The following PLD1 variants were observed in gnomAD, a reference collection of about 807,000 sequenced individuals.
The protein encoded by PLD1 is phospholipase D1, also known as choline phosphatase 1.
PLD1 carries 112 observed loss-of-function variants against 137.1 expected under a neutral mutation model. The ratio of observed to expected loss-of-function variants is 0.82; its 90% CI spans 0.70 to 0.96. PLD1 has a LOEUF of 0.96. PLD1 is among the 40% of genes least tolerant of loss of function. PLD1 has a pLI of 0.00. For missense variants in PLD1, 1,321 were observed against 1,342.0 expected, an observed-to-expected ratio of 0.98 and a Z score of 0.24; for synonymous variants, 431 against 454.7, an observed-to-expected ratio of 0.95 and a Z score of 0.66.
intron 1 of PLD1, among the ~76,000 whole-genome samples, chr3:171,747,781 T>C (rs1276848163): frequency 6.6e-6 from 1 of 152,206 alleles, no homozygotes; most frequent in Non-Finnish European, 1.5e-5. Context: ...CTGCTGTTCT[T>C]AGCCCCTTTT....
At chr3:171,663,237 T>C (rs1711706919) in intron 19 of PLD1, among the ~76,000 whole-genome samples, 1 of 152,224 alleles carries the variant, frequency 6.6e-6, no homozygotes, top group Non-Finnish European at 1.5e-5. Flanking sequence ...TCACATTGCC[T>C]CGCTCTACGC....
intron 8 of PLD1, among the ~76,000 whole-genome samples, chr3:171,721,797 G>GA (rs1158949915): frequency 2.0e-5 from 3 of 149,462 alleles, no homozygotes; most frequent in East Asian, 1.9e-4. Context: ...AAAAAAAAAA[G>GA]AAAAAAAACT....
rs533669306 is a variant in PLD1 at position 171,775,545 on chromosome 3, A to T, written c.-32+34854T>A. Among the ~76,000 whole-genome samples the T allele has an allele frequency of 9.2e-5, 14 of 152,256 alleles. No individual in the cohort carries two copies. The East Asian group carries it at 2.5e-3, about 27-fold the overall frequency. On this transcript the variant is annotated intron_variant, in intron 1 of 26. Coordinates refer to ENST00000351298, the MANE Select transcript of PLD1 (RefSeq NM_002662.5). The stretch of plus-strand genomic sequence containing the variant: ...CACAAGTAAAAGTAAAGAACATCTG[A>T]TTTAAAGAGGGAAAGAGCCCAGCGC...
At chr3:171,723,504 G>C (rs981741543) in intron 8 of PLD1, among the ~76,000 whole-genome samples, 22 of 152,162 alleles carry the variant, frequency 1.4e-4, no homozygotes, top group African/African-American at 5.3e-4. Flanking sequence ...GGAACTGCTA[G>C]ATCATATGGT....
At chr3:171,668,159 T>C (rs1420276388) in intron 19 of PLD1, among the ~76,000 whole-genome samples, 3 of 152,300 alleles carry the variant, frequency 2.0e-5, no homozygotes, top group African/African-American at 7.2e-5. Context: ...TATGAGATAA[T>C]GCACAAAGGG....
chr3:171,710,869 G>GTT (rs1281179100), intron 9 of PLD1, among the ~76,000 whole-genome samples: 4 of 98,666 alleles, frequency 4.1e-5, no homozygotes, highest in African/African-American at 1.1e-4. Flanking sequence ...TAGGAAAACT[G>GTT]TTCTTTTTTT....
At position 171,734,882 on chromosome 3, in the gene PLD1, GTTC is replaced by G; in HGVS notation, c.520_522del (p.Glu174del). 1.2e-6 allele frequency: 2 copies of G among 1,606,052 alleles called. No homozygotes were observed. The highest frequency in any genetic ancestry group is 1.7e-6 in the Non-Finnish European group (2 of 1,172,748). On this transcript the variant is annotated inframe_deletion, in exon 5 of 27. Transcript: ENST00000351298. ...AAACTTACTCTTCTACCAAGGAATT[GTTC>G]TTCTCTTATCATGTTTTCAGATGAA...
chr3:171,687,321 G>C, intron 15 of PLD1, 50 bp downstream of exon 15: 1 of 1,450,954 alleles, frequency 6.9e-7, no homozygotes, highest in Non-Finnish European at 9.7e-7. Context: ...GTCTGGCTAT[G>C]GAAGAACAGT....
intron 22 of PLD1, among the ~76,000 whole-genome samples, chr3:171,644,584 A>G (rs1290116476): frequency 6.6e-6 from 1 of 152,236 alleles, no homozygotes; most frequent in East Asian, 1.9e-4. Context: ...ACTGCAAAGT[A>G]CATGTAAAGC....
chr3:171,664,739 G>A (rs113886755), intron 19 of PLD1, among the ~76,000 whole-genome samples: 26,523 of 152,064 alleles, frequency 0.17, 2,425 homozygotes, highest in South Asian at 0.24. Flanking sequence ...GATTACAGGC[G>A]TGAGCCACCA....
chr3:171,774,548 T>C (rs868110616), intron 1 of PLD1, among the ~76,000 whole-genome samples: 1 of 152,166 alleles, frequency 6.6e-6, no homozygotes, highest in South Asian at 2.1e-4. Context: ...TGTCCAGATA[T>C]GCATGTTGAA....
intron 1 of PLD1, among the ~76,000 whole-genome samples, chr3:171,780,861 A>G (rs370922017): frequency 5.3e-5 from 8 of 152,320 alleles, no homozygotes; most frequent in South Asian, 4.1e-4. Context: ...TTAAAAGACC[A>G]AATATTGTTA....
At chr3:171,676,642 T>C (rs1321904629) in intron 18 of PLD1, 73 bp downstream of exon 18, 7 of 1,117,228 alleles carry the variant, frequency 6.3e-6, no homozygotes, top group Non-Finnish European at 9.5e-6. Context: ...GCTACCAGCC[T>C]CCTCTAAACC....
In PLD1 at chr3:171,626,646, C is replaced by T. The variant is rs544088036; in HGVS notation, c.2594-6126G>A. ...AAAGGGAAGCCCATCAGACTAACAG[C>T]GGATCTCTCAGCAGAAACTCTACAA... On this transcript the variant is annotated intron_variant, in intron 23 of 26. Transcript: ENST00000351298. Among the ~76,000 whole-genome samples, 32 of 150,826 alleles carry T rather than the reference C, an allele frequency of 2.1e-4. 2 individuals are homozygous for T. Among genetic ancestry groups the T allele is most frequent in the African/African-American group, 7.0e-4 (28 of 40,212 alleles).
At chr3:171,628,415 C>T (rs182605277) in intron 23 of PLD1, among the ~76,000 whole-genome samples, 159 of 152,176 alleles carry the variant, frequency 1.0e-3, no homozygotes, top group African/African-American at 3.6e-3. Context: ...GATTCACAGC[C>T]GAATACTACC....
At chr3:171,774,708 C>T (rs1301805395) in intron 1 of PLD1, among the ~76,000 whole-genome samples, 1 of 152,218 alleles carries the variant, frequency 6.6e-6, no homozygotes, top group East Asian at 1.9e-4. Context: ...CCCGCAGCAG[C>T]ATGCGCACTG....
intron 1 of PLD1, among the ~76,000 whole-genome samples, chr3:171,769,944 T>C (rs1480160692): frequency 6.6e-6 from 1 of 152,178 alleles, no homozygotes; most frequent in South Asian, 2.1e-4. Context: ...TAAAGTAACA[T>C]GAAAGCAAGA....
chr3:171,649,806 T>C (rs1578187687), intron 21 of PLD1, among the ~76,000 whole-genome samples: 1 of 151,524 alleles, frequency 6.6e-6, no homozygotes. Flanking sequence ...CTACGTATAA[T>C]AGCTAAAAAT....
chr3:171,778,297 C>T (rs1722657557), intron 1 of PLD1, among the ~76,000 whole-genome samples: 1 of 152,162 alleles, frequency 6.6e-6, no homozygotes, highest in South Asian at 2.1e-4. Context: ...TACTATGCGA[C>T]AGGCATTGTT....
Sources: allele counts gnomAD v4.1 joint callset (sites outside exome capture counted in the v4.1 genomes callset), GRCh38; gene constraint gnomAD v4.1.1; transcripts MANE v1.5; gene names NCBI Gene and HGNC (gene_info 2026-07-23, HGNC 2026-07-21).